NAA25: variants seen among roughly 807,000 people sequenced by gnomAD.
NAA25 encodes the protein N-alpha-acetyltransferase 25, NatB auxiliary subunit.
In NAA25, 30 loss-of-function variants were observed where a neutral mutation model predicts 132.5. The observed-to-expected ratio is 0.23, with a 90% CI of 0.17 to 0.31. The LOEUF (loss-of-function observed/expected upper bound fraction) is 0.31, where lower values mean the gene tolerates loss of function less well. Among genes scored for constraint, NAA25 ranks in the 10% least tolerant of loss-of-function variants. The pLI, the probability that NAA25 is intolerant of heterozygous loss-of-function variation, is 1.00. For missense variants in NAA25, 771 were observed against 1,150.4 expected (o/e 0.67, Z 4.77); for synonymous variants, 359 against 401.9 (o/e 0.89, Z 1.28).
intron 11 of NAA25, chr12:112,064,314 C>T (rs2078681905): frequency 6.6e-6 from 1 of 152,344 alleles, no homozygotes; most frequent in African/African-American, 2.4e-5. Flanking sequence ...CAACCTCTGC[C>T]TCCCGGGTTC....
At chr12:112,047,478 G>A (rs1272712875) in intron 17 of NAA25, among the ~76,000 whole-genome samples, 187 bp downstream of exon 17, 2 of 151,734 alleles carry the variant, frequency 1.3e-5, no homozygotes, top group African/African-American at 2.4e-5. Context: ...GTGATCCACC[G>A]GCCTCGGCCT....
rs1265830827 is a variant in NAA25 at position 112,090,717 on chromosome 12, G to C, written c.283+9C>G. 2 of 1,599,132 alleles carry C rather than the reference G, an allele frequency of 1.3e-6. 1 individual carries two copies. The highest frequency in any genetic ancestry group is 3.6e-5 in the Admixed American group (2 of 54,976). ...CAAGTTTAAAAACAATGAAAAGAAA[G>C]AAACATACGTCGGTGCATCTCCCGG... On this transcript the variant is annotated intron_variant, in intron 3 of 23. Transcript: ENST00000261745.
At chr12:112,060,433 C>A in intron 12 of NAA25, 74 bp from the exon 13 acceptor site, 1 of 970,576 alleles carries the variant, frequency 1.0e-6, no homozygotes. Context: ...TTTTTAAAAG[C>A]AGGAAAGTGA....
chr12:112,050,499 ATTTTC>A (rs1265977726), intron 15 of NAA25, among the ~76,000 whole-genome samples: 1 of 150,736 alleles, frequency 6.6e-6, no homozygotes. Flanking sequence ...TAGAGATTAT[ATTTTC>A]TTTTATTTAC....
At chr12:112,108,508 G>A (rs895873344) in intron 1 of NAA25, among the ~76,000 whole-genome samples, 6 of 152,042 alleles carry the variant, frequency 3.9e-5, no homozygotes, top group Non-Finnish European at 8.8e-5. Flanking sequence ...CTGCTGCCCA[G>A]ACCGCGCCAC....
At chr12:112,064,730 T>C (rs1287017954) in intron 11 of NAA25, among the ~76,000 whole-genome samples, 1 of 152,182 alleles carries the variant, frequency 6.6e-6, no homozygotes, top group African/African-American at 2.4e-5. Context: ...GCAAAAAATT[T>C]CTTTAAAAAC....
intron 13 of NAA25, among the ~76,000 whole-genome samples, chr12:112,056,955 T>C (rs2078554273): frequency 6.6e-6 from 1 of 152,080 alleles, no homozygotes. Flanking sequence ...TTTGGGAGGC[T>C]GAGGCGGGCG....
intron 11 of NAA25, chr12:112,064,169 A>G (rs2078678851): frequency 6.6e-6 from 1 of 152,182 alleles, no homozygotes; most frequent in South Asian, 2.1e-4. Context: ...AATCATTATG[A>G]TCAGATATAT....
intron 3 of NAA25, among the ~76,000 whole-genome samples, chr12:112,088,190 C>A (rs1159203364): frequency 1.3e-5 from 2 of 152,146 alleles, no homozygotes; most frequent in East Asian, 3.8e-4. Context: ...GAACATCAGC[C>A]AAGACCCAAT....
chr12:112,107,047 G>A (rs1445505089), intron 1 of NAA25, among the ~76,000 whole-genome samples: 1 of 151,516 alleles, frequency 6.6e-6, no homozygotes, highest in East Asian at 1.9e-4. Flanking sequence ...GGCTGAGTAG[G>A]TCAAGAGTTC....
chr12:112,043,215 G>A lies in NAA25; in HGVS notation c.2251-4C>T, dbSNP rs1399627093. ...GTACAGGACCAAGGAAAGGATACTGGAAAAAAGGGAGAAAAATAATGCTCT... is the reference window on the plus strand; with the variant it reads ...GTACAGGACCAAGGAAAGGATACTGAAAAAAAGGGAGAAAAATAATGCTCT... On this transcript the variant is annotated splice_region_variant and splice_polypyrimidine_tract_variant and intron_variant, in intron 18 of 23. Transcript: ENST00000261745. 13 of 1,571,400 alleles carry A rather than the reference G, an allele frequency of 8.3e-6. No homozygotes were observed. The highest frequency in any genetic ancestry group is 1.1e-5 in the Non-Finnish European group (13 of 1,161,718).
At chr12:112,083,805 C>T (rs910058782) in intron 4 of NAA25, among the ~76,000 whole-genome samples, 1 of 152,034 alleles carries the variant, frequency 6.6e-6, no homozygotes, top group African/African-American at 2.4e-5. Context: ...GAAGCCAAGG[C>T]AGGAGGACTG....
Position 112,104,115 on chromosome 12 carries a change from G to A in NAA25, c.58+4601C>T, listed in dbSNP as rs142700167. 2.1e-3 allele frequency among the ~76,000 whole-genome samples: 317 copies of A among 152,274 alleles called. 1 individual carries two copies. Among genetic ancestry groups the A allele is most frequent in the Middle Eastern group, 0.01 (3 of 294 alleles). ...AGAAATGTCCTAACTCAGCAAAGAAGTGACTGTCACCCGGGAGACACACTG... is the reference window on the plus strand; with the variant it reads ...AGAAATGTCCTAACTCAGCAAAGAAATGACTGTCACCCGGGAGACACACTG... On this transcript the variant is annotated intron_variant, in intron 1 of 23. Coordinates refer to ENST00000261745, the MANE Select transcript of NAA25 (RefSeq NM_024953.4).
rs2078817823 is a variant in NAA25 at position 112,072,041 on chromosome 12, T to A, written c.890A>T (p.Tyr297Phe). 4 of 1,613,748 alleles carry A rather than the reference T, an allele frequency of 2.5e-6. No homozygotes were observed. Among genetic ancestry groups the A allele is most frequent in the Non-Finnish European group, 3.4e-6 (4 of 1,179,868 alleles). ...AAACTTCACAGCTTTTTCTGCAGAA[T>A]AATGTACTTCTCCTTCTAAAGAGCT... ...GEHSLEGEVH[Y>F]SAEKAVKFIE... Residue 297 changes from tyrosine (Y) to phenylalanine (F), a missense_variant, in exon 10 of 24, where the codon TAT (tyrosine) becomes TTT (phenylalanine). By Grantham distance (22) the Tyr-to-Phe change is conservative. Transcript: ENST00000261745.
At position 112,048,217 on chromosome 12, in the gene NAA25, C is replaced by A; in HGVS notation, c.1880+75G>T. On this transcript the variant is annotated intron_variant, in intron 16 of 23. Transcript: ENST00000261745. ...TTTTACCTTAAGCCTGCCAATAACACCCATGAGCCCATTAATGGCTCTTAA... is the reference window on the plus strand; with the variant it reads ...TTTTACCTTAAGCCTGCCAATAACAACCATGAGCCCATTAATGGCTCTTAA... 2.8e-6 allele frequency: 4 copies of A among 1,422,634 alleles called. No individual in the cohort carries two copies. The South Asian group carries it at 5.2e-5, about 19-fold the overall frequency. 88.1% of individuals were successfully genotyped at this position (1,422,634 alleles called of 1,614,324 possible). A position where few individuals can be genotyped will look rare whatever the true frequency, so the allele number is the denominator to read the frequency against.
At chr12:112,033,200 A>G (rs2078173551) in intron 23 of NAA25, 33 bp downstream of exon 23, 1 of 1,578,618 alleles carries the variant, frequency 6.3e-7, no homozygotes, top group African/African-American at 1.4e-5. Context: ...GTGTGTGTGT[A>G]GAAAACATTG....
rs774561197 is a variant in NAA25, at chr12:112,093,166, T to C, written c.59-30A>G. ...GAAAAAACAAATTATGTGACAGTTA[T>C]TATATTCCTTCAATAACAAATATAA... On this transcript the variant is annotated intron_variant, in intron 1 of 23. Transcript: ENST00000261745. 2.0e-5 allele frequency: 26 copies of C among 1,269,258 alleles called. 1 individual carries two copies. The South Asian group carries it at 3.1e-4, about 15-fold the overall frequency. 78.6% of individuals were successfully genotyped at this position (1,269,258 alleles called of 1,614,324 possible). A position where few individuals can be genotyped will look rare whatever the true frequency, so the allele number is the denominator to read the frequency against.
At chr12:112,062,298 T>C (rs1429679180) in intron 11 of NAA25, among the ~76,000 whole-genome samples, 2 of 151,228 alleles carry the variant, frequency 1.3e-5, no homozygotes, top group Non-Finnish European at 2.9e-5. Flanking sequence ...CTACTCAGGA[T>C]GCTGAGGCAG....
chr12:112,095,102 G>GACC (rs2079192287), intron 1 of NAA25, among the ~76,000 whole-genome samples: 1 of 152,076 alleles, frequency 6.6e-6, no homozygotes, highest in Non-Finnish European at 1.5e-5. Context: ...AGAAGTACAA[G>GACC]ACCAGCCCAG....
Sources: gnomAD v4.1 joint callset for allele counts (sites outside exome capture counted in the v4.1 genomes callset) on GRCh38, gnomAD v4.1.1 for gene constraint, MANE v1.5 for transcripts, NCBI Gene and HGNC (gene_info 2026-07-23, HGNC 2026-07-21) for gene names.